ADAMTS2: variants seen among roughly 807,000 people sequenced by gnomAD.
ADAMTS2 encodes the protein ADAM metallopeptidase with thrombospondin type 1 motif 2.
In ADAMTS2, 50 loss-of-function variants were observed where a neutral mutation model predicts 123.0. The observed-to-expected ratio is 0.41, with a 90% confidence interval of 0.32 to 0.51. The LOEUF is 0.51. Ranked by LOEUF, ADAMTS2 falls within the 20% of genes least tolerant of loss-of-function variation. ADAMTS2 has a pLI of 0.35. For missense variants in ADAMTS2, 1,494 were observed against 1,705.2 expected (o/e 0.88, Z 2.18); for synonymous variants, 678 against 695.4 (o/e 0.98, Z 0.39).
chr5:179,167,588 C>G (rs1763731123), intron 5 of ADAMTS2, among the ~76,000 whole-genome samples: 1 of 152,190 alleles, frequency 6.6e-6, no homozygotes, highest in Non-Finnish European at 1.5e-5. Context: ...ACCGCGCCCG[C>G]CCCGCCAGGA....
intron 10 of ADAMTS2, 103 bp from the exon 11 acceptor site, chr5:179,140,138 C>T (rs1285607047): frequency 2.6e-6 from 4 of 1,544,602 alleles, no homozygotes; most frequent in African/African-American, 2.7e-5. Context: ...CCTGGCCCCA[C>T]TCTGGGGCAC....
chr5:179,339,236 C>T (rs1175833034), intron 2 of ADAMTS2, among the ~76,000 whole-genome samples: 1 of 152,228 alleles, frequency 6.6e-6, no homozygotes, highest in African/African-American at 2.4e-5. Context: ...AGATGGGCCT[C>T]CAATCCCTCC....
At chr5:179,232,070 A>T (rs977388185) in intron 3 of ADAMTS2, among the ~76,000 whole-genome samples, 2 of 152,240 alleles carry the variant, frequency 1.3e-5, no homozygotes, top group Non-Finnish European at 2.9e-5. Context: ...TCAATTTTAC[A>T]TTATGAAATA....
intron 2 of ADAMTS2, among the ~76,000 whole-genome samples, chr5:179,291,432 G>A (rs1756186222): frequency 6.6e-6 from 1 of 152,194 alleles, no homozygotes; most frequent in African/African-American, 2.4e-5. Flanking sequence ...TGCTTTCAGA[G>A]GGAAGCTGTT....
intron 3 of ADAMTS2, among the ~76,000 whole-genome samples, chr5:179,214,617 G>A (rs551486192): frequency 2.0e-4 from 30 of 152,136 alleles, no homozygotes; most frequent in Non-Finnish European, 3.4e-4. Context: ...AGCTATAACA[G>A]CAAAACTCCC....
intron 2 of ADAMTS2, among the ~76,000 whole-genome samples, chr5:179,324,917 G>T (rs1218943930): frequency 1.1e-4 from 5 of 46,362 alleles, no homozygotes; most frequent in Non-Finnish European, 2.4e-4. Context: ...AAAGCCCAGA[G>T]GTCCTCAGGG....
Position 179,158,963 on chromosome 5 carries a change from G to GAC in ADAMTS2, c.976-86_976-85dup. 6.6e-7 allele frequency: 1 copy of GAC among 1,523,950 alleles called. No homozygotes were observed. Among genetic ancestry groups the GAC allele is most frequent in the South Asian group, 1.2e-5 (1 of 83,934 alleles). The allele number at this position is 1,523,950 out of a possible 1,614,324, so 94.4% of individuals were successfully genotyped here. ...GGCCGAGCAGGCTGTAGTGTTGACAGACCCCATCCACTGGGAATCTGTTCC... is the reference window on the plus strand; with the variant it reads ...GGCCGAGCAGGCTGTAGTGTTGACAGACACCCCATCCACTGGGAATCTGTTCC... On this transcript the variant is annotated intron_variant, in intron 5 of 21. Coordinates refer to ENST00000251582, the MANE Select transcript of ADAMTS2 (RefSeq NM_014244.5). The surrounding 1 kb of genome is among the most constrained non-coding windows in gnomAD (Gnocchi z 5.0).
intron 3 of ADAMTS2, among the ~76,000 whole-genome samples, chr5:179,237,497 G>C (rs1309943450): frequency 6.6e-6 from 1 of 152,176 alleles, no homozygotes; most frequent in Non-Finnish European, 1.5e-5. Context: ...GGTGCTTTTT[G>C]TGGTAGCAGC....
chr5:179,143,586 C>A (rs997530728), intron 10 of ADAMTS2, among the ~76,000 whole-genome samples: 18 of 152,234 alleles, frequency 1.2e-4, no homozygotes, highest in South Asian at 6.2e-4. Context: ...AGAGGTGGGG[C>A]CTTAAGGAGA....
chr5:179,257,795 C>A (rs2113481577), intron 3 of ADAMTS2, among the ~76,000 whole-genome samples: 1 of 152,366 alleles, frequency 6.6e-6, no homozygotes, highest in African/African-American at 2.4e-5. Flanking sequence ...GTCCCCAGCA[C>A]TGAGGCCGCC....
intron 2 of ADAMTS2, among the ~76,000 whole-genome samples, chr5:179,283,026 G>A (rs1025947838): frequency 9.2e-5 from 14 of 152,046 alleles, no homozygotes; most frequent in African/African-American, 2.2e-4. Flanking sequence ...GAATGCCCTC[G>A]AGAGCGTCTG....
Position 179,234,797 on chromosome 5 carries a change from C to T in ADAMTS2, c.689-27082G>A, listed in dbSNP as rs1033530777. 2.6e-5 allele frequency among the ~76,000 whole-genome samples: 4 copies of T among 152,144 alleles called. No individual in the cohort carries two copies. The highest frequency in any genetic ancestry group is 5.9e-5 in the Non-Finnish European group (4 of 68,010). On this transcript the variant is annotated intron_variant, in intron 3 of 21. Coordinates refer to ENST00000251582, the MANE Select transcript of ADAMTS2 (RefSeq NM_014244.5). The surrounding 1 kb of genome is among the most constrained non-coding windows in gnomAD (Gnocchi z 4.7). The stretch of plus-strand genomic sequence containing the variant: ...GCCTCCTCCCAGACCTGGCCCCATC[C>T]GCTGCTGCTCCCTGCCCTTCACTCC...
rs554667639 is a variant in ADAMTS2 at position 179,308,530 on chromosome 5, G to T, written c.534+35237C>A. On this transcript the variant is annotated intron_variant, in intron 2 of 21. Coordinates refer to ENST00000251582, the MANE Select transcript of ADAMTS2 (RefSeq NM_014244.5). The surrounding 1 kb of genome is among the most constrained non-coding windows in gnomAD (Gnocchi z 6.6). ...CTCCTGCAATGCGATGACCATGCCT[G>T]CAGGCCCCCATAATAGACAGCCTCA... is the stretch of plus-strand genomic sequence containing the variant. Among the ~76,000 whole-genome samples, 3 of 152,342 alleles carry T rather than the reference G, an allele frequency of 2.0e-5. No homozygotes were observed. In the East Asian group the frequency reaches 5.8e-4, roughly 29 times the overall value.
intron 2 of ADAMTS2, among the ~76,000 whole-genome samples, chr5:179,336,709 A>C (rs1369465042): frequency 6.6e-6 from 1 of 152,142 alleles, no homozygotes; most frequent in Non-Finnish European, 1.5e-5. Context: ...TTTCACTGCC[A>C]CTGAAGTGCG....
At chr5:179,243,396 C>G (rs1765710633) in intron 3 of ADAMTS2, among the ~76,000 whole-genome samples, 1 of 152,176 alleles carries the variant, frequency 6.6e-6, no homozygotes, top group Non-Finnish European at 1.5e-5. Flanking sequence ...GAGAAAGGGA[C>G]AGTCATAGGG....
chr5:179,318,275 G>A lies in ADAMTS2; in HGVS notation c.534+25492C>T, dbSNP rs567512430. Among the ~76,000 whole-genome samples, 5 of 152,380 alleles carry A rather than the reference G, an allele frequency of 3.3e-5. No individual in the cohort carries two copies. The East Asian group carries it at 7.7e-4, about 24-fold the overall frequency. ...GGCAGCATTTACTCTGAAGAACTGC[G>A]ATGCGAGAGTATTAATTAAATGCGC... On this transcript the variant is annotated intron_variant, in intron 2 of 21. Coordinates refer to ENST00000251582, the MANE Select transcript of ADAMTS2 (RefSeq NM_014244.5).
intron 7 of ADAMTS2, 109 bp downstream of exon 7, chr5:179,154,705 G>A (rs1227913878): frequency 1.1e-6 from 1 of 902,750 alleles, no homozygotes; most frequent in Non-Finnish European, 1.7e-6. Flanking sequence ...ACCCCAAGTG[G>A]CTTTGACACA....
chr5:179,172,936 T>G (rs755273271), intron 5 of ADAMTS2, among the ~76,000 whole-genome samples: 2 of 151,908 alleles, frequency 1.3e-5, no homozygotes, highest in African/African-American at 2.4e-5. Context: ...CAGGCTCAGC[T>G]GCTCACACCT....
In ADAMTS2 at chr5:179,132,079, T is replaced by A; in HGVS notation, c.2290+151A>T. On this transcript the variant is annotated intron_variant, in intron 15 of 21. Coordinates refer to ENST00000251582, the MANE Select transcript of ADAMTS2 (RefSeq NM_014244.5). This position sits in a 1 kb window ranked among gnomAD's most constrained non-coding sequence, Gnocchi z 6.1. Reference sequence around the variant, plus strand: ...ACCCTGGGAAAGGGCCCAGGTGGGCTGAGCAGAGGGACAGGTTGGGGAGGG... The same window carrying A: ...ACCCTGGGAAAGGGCCCAGGTGGGCAGAGCAGAGGGACAGGTTGGGGAGGG... 1 of 762,510 alleles carries A rather than the reference T, an allele frequency of 1.3e-6. No individual in the cohort carries two copies. Among genetic ancestry groups the A allele is most frequent in the Non-Finnish European group, 2.2e-6 (1 of 447,470 alleles). The allele number at this position is 762,510 out of a possible 1,614,324, so 47.2% of individuals were successfully genotyped here.
Sources: gnomAD v4.1 joint callset for allele counts (sites outside exome capture counted in the v4.1 genomes callset) on GRCh38, gnomAD v4.1.1 for gene constraint, Gnocchi (gnomAD v3.1) non-coding constraint, MANE v1.5 for transcripts, NCBI Gene and HGNC (gene_info 2026-07-23, HGNC 2026-07-21) for gene names.